IL4I1: variants seen among roughly 807,000 people sequenced by gnomAD.
IL4I1 encodes the protein L-amino-acid oxidase.
A neutral mutation model predicts 29.7 loss-of-function variants in IL4I1; 24 were observed. The ratio of observed to expected loss-of-function variants is 0.81; its 90% CI spans 0.59 to 1.14. The LOEUF is 1.14. IL4I1 is among the 50% of genes most tolerant of loss of function. The probability of loss-of-function intolerance (pLI) is 0.00; values close to 1 mark genes in which losing one functional copy is unlikely to be tolerated. For missense variants in IL4I1, 686 were observed against 785.6 expected (o/e 0.87, Z 1.52); for synonymous variants, 371 against 352.5 (o/e 1.05, Z -0.59).
chr19:49,923,115 G>A (rs1206986453), intron 2 of IL4I1, among the ~76,000 whole-genome samples: 1 of 152,120 alleles, frequency 6.6e-6, no homozygotes, highest in African/African-American at 2.4e-5. Flanking sequence ...TCTACTGAAG[G>A]GACAAGGGCA....
rs754267923 is a variant in IL4I1 at position 49,891,038 on chromosome 19, C to A, written c.706G>T (p.Asp236Tyr). 1 of 1,612,988 alleles carries A rather than the reference C, an allele frequency of 6.2e-7. No homozygotes were observed. The highest frequency in any genetic ancestry group is 1.7e-4 in the Middle Eastern group (1 of 6,054). ...GCGAAGCTGAGATAGAAGAAGCCAT[C>A]CTCGGACATCACGTCTCCCAGAAGC... ...VQLLGDVMSE[D>Y]GFFYLSFAEA... is the part of the protein sequence containing the mutation. Residue 236 changes from aspartate to tyrosine, a missense_variant, in exon 7 of 8, where the codon GAT (aspartate) becomes TAT (tyrosine). Transcript: ENST00000391826.
chr19:49,900,619 T>C (rs561099887), upstream of IL4I1, among the ~76,000 whole-genome samples: 1 of 151,976 alleles, frequency 6.6e-6, no homozygotes, highest in Non-Finnish European at 1.5e-5. Flanking sequence ...ACTAAGGAGA[T>C]TGGTGTTCAG....
Position 49,895,116 on chromosome 19 carries a change from G to A in IL4I1, c.317C>T (p.Thr106Met), listed in dbSNP as rs147320311. ...GRIFTYRDQN[T>M]GWIGELGAMR... Reference sequence around the variant, plus strand: ...GGCTCCCAGCTCCCCAATCCAGCCCGTGTTCTGGTCCCGGTAGGTGAAGAT... The same window carrying A: ...GGCTCCCAGCTCCCCAATCCAGCCCATGTTCTGGTCCCGGTAGGTGAAGAT... The change falls in exon 4 of 8, where the codon ACG becomes ATG. Residue 106 changes from threonine to methionine, a missense_variant. Physicochemically the swap from Thr to Met is moderately conservative, Grantham distance 81. Transcript: ENST00000391826. The A allele has an allele frequency of 3.9e-3, 6,252 of 1,613,842 alleles. 21 individuals are homozygous for A. Among genetic ancestry groups the A allele is most frequent in the Middle Eastern group, 6.3e-3 (38 of 6,058 alleles).
intron 2 of IL4I1, among the ~76,000 whole-genome samples, chr19:49,924,290 C>T (rs1357986587): frequency 6.6e-6 from 1 of 152,176 alleles, no homozygotes; most frequent in Non-Finnish European, 1.5e-5. Context: ...GAGGCCCCTT[C>T]TTGGCACCGA....
rs894117649 is a variant in IL4I1, at chr19:49,907,725, G to A, written c.-227-3404C>T. 4.1e-5 allele frequency: 14 copies of A among 341,024 alleles called. 1 individual carries two copies. Among genetic ancestry groups the A allele is most frequent in the African/African-American group, 2.4e-4 (11 of 45,494 alleles). 21.1% of individuals were successfully genotyped at this position (341,024 alleles called of 1,614,324 possible). A position where few individuals can be genotyped will look rare whatever the true frequency, so the allele number is the denominator to read the frequency against. On this transcript the variant is annotated intron_variant, in intron 2 of 9. Coordinates refer to the IL4I1 transcript ENST00000341114. ...TAATTTTTGTATTTTTAGTAGAGAC[G>A]GGGTTTCACCATGTTGGCCAGGCTG...
At chr19:49,897,402 C>T (rs943002565), upstream of IL4I1, among the ~76,000 whole-genome samples, 14 of 152,236 alleles carry the variant, frequency 9.2e-5, no homozygotes, top group East Asian at 3.9e-4. Flanking sequence ...GGCTGGCAGC[C>T]GTGGTCCCGG....
intron 7 of IL4I1, 24 bp downstream of exon 7, chr19:49,890,947 C>T: frequency 1.6e-6 from 1 of 618,568 alleles, no homozygotes; most frequent in Non-Finnish European, 2.2e-6. Flanking sequence ...CCCCCCCCCC[C>T]TGCCCGCCAG....
intron 2 of IL4I1, among the ~76,000 whole-genome samples, chr19:49,920,506 C>T (rs1000464848): frequency 6.6e-6 from 1 of 152,208 alleles, no homozygotes; most frequent in African/African-American, 2.4e-5. Context: ...TATACAGTAT[C>T]TCAATAAAGC....
intron 7 of IL4I1, 99 bp downstream of exon 7, chr19:49,890,872 A>G (rs1350070887): frequency 4.1e-5 from 44 of 1,074,670 alleles, no homozygotes; most frequent in Non-Finnish European, 5.4e-5. Context: ...CGCCCTTCAC[A>G]ACAGCCCCGC....
Position 49,909,853 on chromosome 19 carries a change from A to T in IL4I1, c.-227-5532T>A, listed in dbSNP as rs753153325. ...GCAGCTACTCTGGCTCCCAAAGCAA[A>T]TCCGTCGGTGTCTGCAGCCTTGGGA... On this transcript the variant is annotated intron_variant, in intron 2 of 9. Transcript: ENST00000341114. 5.0e-6 allele frequency: 8 copies of T among 1,591,252 alleles called. No individual in the cohort carries two copies. In the South Asian group the frequency reaches 8.8e-5, roughly 18 times the overall value.
intron 2 of IL4I1, among the ~76,000 whole-genome samples, chr19:49,915,729 C>T (rs1011785611): frequency 6.6e-6 from 1 of 152,166 alleles, no homozygotes; most frequent in African/African-American, 2.4e-5. Flanking sequence ...TGCATGGAGA[C>T]CAAGGCGGCT....
intron 2 of IL4I1, among the ~76,000 whole-genome samples, chr19:49,923,661 C>T (rs2075816346): frequency 6.6e-6 from 1 of 152,268 alleles, no homozygotes; most frequent in Non-Finnish European, 1.5e-5. Context: ...CTATGCCAGG[C>T]CCCACTCTAG....
chr19:49,913,204 T>C (rs997039731), intron 2 of IL4I1: 4 of 152,298 alleles, frequency 2.6e-5, no homozygotes, highest in African/African-American at 9.7e-5. Flanking sequence ...TGCCTCTGGG[T>C]GCTAAGTGAT....
chr19:49,889,710 AACTGGCCTTGG>A lies in IL4I1; in HGVS notation c.1653_1663del (p.Gln552IlefsTer?). 3 of 1,510,078 alleles carry A rather than the reference AACTGGCCTTGG, an allele frequency of 2.0e-6. No homozygotes were observed. Among genetic ancestry groups the A allele is most frequent in the Non-Finnish European group, 2.7e-6 (3 of 1,128,690 alleles). 93.5% of individuals were successfully genotyped at this position (1,510,078 alleles called of 1,614,324 possible). A position where few individuals can be genotyped will look rare whatever the true frequency, so the allele number is the denominator to read the frequency against. ...CGTGTGGGTCGTGTTTTGGAGAGATAACTGGCCTTGGACTGGAGGGTGGCTGCCTTCTTCCT... is the reference window on the plus strand; with the variant it reads ...CGTGTGGGTCGTGTTTTGGAGAGATAACTGGAGGGTGGCTGCCTTCTTCCT... On this transcript the variant is annotated frameshift_variant, in exon 8 of 8. Transcript: ENST00000391826. LOFTEE classifies it low-confidence loss of function (END_TRUNC).
chr19:49,890,251 TTGAG>T lies in IL4I1; in HGVS notation c.1119_1122del (p.His373GlnfsTer9), dbSNP rs779795741. Reference sequence around the variant, plus strand: ...ATCATGCGCGACGGGCGATCGGTGTTTGAGTGGCCGCCTTCAATGTGCTCCTCGC... The same window carrying T: ...ATCATGCGCGACGGGCGATCGGTGTTTGGCCGCCTTCAATGTGCTCCTCGC... On this transcript the variant is annotated frameshift_variant, in exon 8 of 8. Transcript: ENST00000391826. LOFTEE classifies it low-confidence loss of function (END_TRUNC). 21 of 1,573,004 alleles carry T rather than the reference TTGAG, an allele frequency of 1.3e-5. No homozygotes were observed. Among genetic ancestry groups the T allele is most frequent in the Admixed American group, 5.5e-5 (3 of 54,476 alleles).
At chr19:49,913,747 G>A (rs1378304396) in intron 2 of IL4I1, among the ~76,000 whole-genome samples, 1 of 152,220 alleles carries the variant, frequency 6.6e-6, no homozygotes, top group African/African-American at 2.4e-5. Flanking sequence ...TGAGCTCTGT[G>A]AGTCTTAGCT....
chr19:49,909,793 A>T (rs773312974), intron 2 of IL4I1: 4 of 1,614,088 alleles, frequency 2.5e-6, no homozygotes, highest in Non-Finnish European at 3.4e-6. Context: ...TGCCTCCAAA[A>T]TTAAACCCGC....
chr19:49,914,008 T>A (rs1178563406), intron 2 of IL4I1, among the ~76,000 whole-genome samples: 1 of 152,050 alleles, frequency 6.6e-6, no homozygotes, highest in African/African-American at 2.4e-5. Context: ...GCATCACAAT[T>A]TGAGCAAAGT....
intron 3 of IL4I1, among the ~76,000 whole-genome samples, chr19:49,903,830 GTTTTT>G (rs113175852): frequency 4.5e-5 from 3 of 66,512 alleles, no homozygotes; most frequent in Admixed American, 2.0e-4. Context: ...TATGTGCTGG[GTTTTT>G]TTTTTTTTTT....
Sources: allele counts gnomAD v4.1 joint callset (sites outside exome capture counted in the v4.1 genomes callset), GRCh38; gene constraint gnomAD v4.1.1; transcripts MANE v1.5; gene names NCBI Gene and HGNC (gene_info 2026-07-23, HGNC 2026-07-21).